The following ST6GALNAC3 variants were observed in gnomAD, a reference collection of about 807,000 sequenced individuals.
The protein encoded by ST6GALNAC3 is alpha-N-acetylgalactosaminide alpha-2,6-sialyltransferase 3.
A neutral mutation model predicts 32.7 loss-of-function variants in ST6GALNAC3; 25 were observed. The ratio of observed to expected loss-of-function variants is 0.76; its 90% CI spans 0.56 to 1.07. The LOEUF is 1.07. Ranked by LOEUF, ST6GALNAC3 falls within the 50% of genes least tolerant of loss-of-function variation. The pLI is 0.00. For missense variants in ST6GALNAC3, 355 were observed against 382.4 expected, an observed-to-expected ratio of 0.93 and a Z score of 0.60; for synonymous variants, 129 against 133.1, an observed-to-expected ratio of 0.97 and a Z score of 0.21.
intron 2 of ST6GALNAC3, among the ~76,000 whole-genome samples, chr1:76,356,320 G>A (rs1013115357): frequency 8.6e-5 from 13 of 151,160 alleles, no homozygotes; most frequent in African/African-American, 2.9e-4. Flanking sequence ...GCTTTTGATC[G>A]GATCCAAATA....
chr1:76,432,946 G>T (rs969427965), intron 3 of ST6GALNAC3, among the ~76,000 whole-genome samples: 1 of 152,134 alleles, frequency 6.6e-6, no homozygotes, highest in African/African-American at 2.4e-5. Flanking sequence ...AAATGTGGGG[G>T]CATCTCCATT....
At chr1:76,158,318 T>C (rs1331113807) in intron 1 of ST6GALNAC3, among the ~76,000 whole-genome samples, 1 of 152,070 alleles carries the variant, frequency 6.6e-6, no homozygotes, top group African/African-American at 2.4e-5. Flanking sequence ...ATCTGTGCAA[T>C]GCAGTTCTAC....
At chr1:76,114,502 A>G (rs907901481) in intron 1 of ST6GALNAC3, among the ~76,000 whole-genome samples, 2 of 152,170 alleles carry the variant, frequency 1.3e-5, no homozygotes, top group African/African-American at 4.8e-5. Context: ...ATTTTTCCTA[A>G]TTACAAAATA....
chr1:76,549,981 A>G (rs964880060), intron 3 of ST6GALNAC3, among the ~76,000 whole-genome samples: 1 of 152,198 alleles, frequency 6.6e-6, no homozygotes, highest in African/African-American at 2.4e-5. Flanking sequence ...GTTTTGTTTT[A>G]TAAAAATTTG....
intron 2 of ST6GALNAC3, among the ~76,000 whole-genome samples, chr1:76,382,398 A>G (rs1300464490): frequency 1.3e-5 from 2 of 152,230 alleles, no homozygotes; most frequent in Admixed American, 1.3e-4. Flanking sequence ...TGGAATCTGT[A>G]GACAAGAATA....
At chr1:76,288,413 C>T (rs1348317665) in intron 1 of ST6GALNAC3, among the ~76,000 whole-genome samples, 2 of 152,216 alleles carry the variant, frequency 1.3e-5, no homozygotes, top group Admixed American at 1.3e-4. Flanking sequence ...CCAGTCTCCT[C>T]ATCCCTGGAG....
intron 2 of ST6GALNAC3, among the ~76,000 whole-genome samples, chr1:76,364,720 A>G (rs549487740): frequency 2.0e-4 from 31 of 152,174 alleles, no homozygotes; most frequent in Non-Finnish European, 4.4e-4. Flanking sequence ...GCCAAGAAAC[A>G]TATGAAAAAA....
At chr1:76,369,245 A>G (rs2101074540) in intron 2 of ST6GALNAC3, among the ~76,000 whole-genome samples, 1 of 152,200 alleles carries the variant, frequency 6.6e-6, no homozygotes, top group South Asian at 2.1e-4. Flanking sequence ...TCTTAGGCTC[A>G]CACTTCAAGG....
intron 3 of ST6GALNAC3, among the ~76,000 whole-genome samples, chr1:76,529,840 T>C (rs1252822089): frequency 6.6e-6 from 1 of 152,202 alleles, no homozygotes; most frequent in Non-Finnish European, 1.5e-5. Flanking sequence ...CTCTTTGCAT[T>C]AGTTATTTAT....
intron 3 of ST6GALNAC3, among the ~76,000 whole-genome samples, chr1:76,415,563 G>A (rs1654561689): frequency 6.6e-6 from 1 of 151,960 alleles, no homozygotes; most frequent in Admixed American, 6.6e-5. Flanking sequence ...CTTATGCTCA[G>A]ATTGCCCTAT....
chr1:76,310,711 A>G (rs1290519578), intron 1 of ST6GALNAC3, among the ~76,000 whole-genome samples: 2 of 152,196 alleles, frequency 1.3e-5, no homozygotes, highest in African/African-American at 2.4e-5. Flanking sequence ...CAACAACAAT[A>G]AACATTTTGG....
intron 3 of ST6GALNAC3, among the ~76,000 whole-genome samples, chr1:76,614,291 C>G (rs990660329): frequency 6.6e-6 from 1 of 152,204 alleles, no homozygotes; most frequent in African/African-American, 2.4e-5. Context: ...GGCCAATTCT[C>G]AGAAGCTAAG....
At chr1:76,466,717 T>C (rs1658655236) in intron 3 of ST6GALNAC3, among the ~76,000 whole-genome samples, 1 of 152,082 alleles carries the variant, frequency 6.6e-6, no homozygotes, top group African/African-American at 2.4e-5. Context: ...AACAACTACG[T>C]GCTCAACAAT....
intron 3 of ST6GALNAC3, among the ~76,000 whole-genome samples, chr1:76,571,069 C>G (rs1039096021): frequency 2.0e-5 from 3 of 152,128 alleles, no homozygotes; most frequent in Non-Finnish European, 4.4e-5. Context: ...GATGAGGCTT[C>G]TATCCAGGCC....
chr1:76,263,489 G>A (rs1371683816), intron 1 of ST6GALNAC3, among the ~76,000 whole-genome samples: 1 of 152,090 alleles, frequency 6.6e-6, no homozygotes, highest in Non-Finnish European at 1.5e-5. Context: ...TTGTGTTGAG[G>A]TTATTGGGAA....
intron 1 of ST6GALNAC3, among the ~76,000 whole-genome samples, chr1:76,252,479 A>T (rs1474942626): frequency 6.6e-6 from 1 of 152,100 alleles, no homozygotes; most frequent in Non-Finnish European, 1.5e-5. Context: ...TGTATCTGTT[A>T]TCTAACCAGC....
intron 1 of ST6GALNAC3, among the ~76,000 whole-genome samples, chr1:76,217,851 T>C (rs1655555810): frequency 1.3e-5 from 2 of 152,242 alleles, no homozygotes; most frequent in Non-Finnish European, 2.9e-5. Flanking sequence ...ATTATGTTAT[T>C]CCTTTTTATG....
intron 3 of ST6GALNAC3, among the ~76,000 whole-genome samples, chr1:76,527,371 A>T (rs1022279442): frequency 2.0e-5 from 3 of 152,074 alleles, no homozygotes; most frequent in Non-Finnish European, 4.4e-5. Flanking sequence ...CTTATTGTCC[A>T]TTTCAAAGAT....
At chr1:76,103,482 A>G (rs1425394432) in intron 1 of ST6GALNAC3, among the ~76,000 whole-genome samples, 1 of 151,956 alleles carries the variant, frequency 6.6e-6, no homozygotes, top group African/African-American at 2.4e-5. Flanking sequence ...TAAGTTATTA[A>G]TTTTAGTTAA....
Sources: gnomAD v4.1 joint callset for allele counts (sites outside exome capture counted in the v4.1 genomes callset) on GRCh38, gnomAD v4.1.1 for gene constraint, MANE v1.5 for transcripts, NCBI Gene and HGNC (gene_info 2026-07-23, HGNC 2026-07-21) for gene names.